KCNQ3: variants seen among roughly 807,000 people sequenced by gnomAD.
KCNQ3 encodes potassium voltage-gated channel subfamily KQT member 3.
Under a neutral mutation model 92.5 loss-of-function variants are expected in KCNQ3, and 30 were observed. The observed-to-expected ratio is 0.32, with a 90% CI of 0.24 to 0.44. The LOEUF (loss-of-function observed/expected upper bound fraction) is 0.44. Ranked by LOEUF, KCNQ3 falls within the 20% of genes least tolerant of loss-of-function variation. The probability of loss-of-function intolerance (pLI) is 1.00; values close to 1 mark genes in which losing one functional copy is unlikely to be tolerated. For synonymous variants in KCNQ3, 450 were observed against 468.8 expected (o/e 0.96, Z 0.52); for missense variants, 913 against 1,140.3 (o/e 0.80, Z 2.87).
At chr8:132,252,960 C>G (rs1326864784) in intron 1 of KCNQ3, among the ~76,000 whole-genome samples, 3 of 152,176 alleles carry the variant, frequency 2.0e-5, no homozygotes, top group Non-Finnish European at 4.4e-5. Context: ...GCCTTCATTC[C>G]TAGCTGTTAA....
chr8:132,211,014 C>G (rs1001216397), intron 1 of KCNQ3, among the ~76,000 whole-genome samples: 1 of 152,196 alleles, frequency 6.6e-6, no homozygotes, highest in Non-Finnish European at 1.5e-5. Flanking sequence ...CATTGGGTCT[C>G]CCTCTGGGCC....
intron 1 of KCNQ3, among the ~76,000 whole-genome samples, chr8:132,317,585 G>A (rs1306710840): frequency 6.6e-6 from 1 of 152,192 alleles, no homozygotes. Flanking sequence ...AGAAGCATCT[G>A]TGCTCTTTGA....
intron 1 of KCNQ3, among the ~76,000 whole-genome samples, chr8:132,353,359 C>A (rs535117353): frequency 3.6e-4 from 55 of 152,094 alleles, no homozygotes; most frequent in African/African-American, 1.3e-3. Context: ...GGCAGAAGGA[C>A]TGTCAGAAAA....
At position 132,410,773 on chromosome 8, in the gene KCNQ3, G is replaced by A. The variant is rs1260877826; in HGVS notation, c.386+69374C>T. Among the ~76,000 whole-genome samples the A allele has an allele frequency of 2.6e-5, 4 of 152,200 alleles. No homozygotes were observed. In the East Asian group the frequency reaches 7.7e-4, roughly 29 times the overall value. The stretch of plus-strand genomic sequence containing the variant: ...CAATGTCAAGGTCATGTCATTACAC[G>A]ATAACTCTGGAGAGAGATTTTTGGA... On this transcript the variant is annotated intron_variant, in intron 1 of 14. Transcript: ENST00000388996.
chr8:132,189,736 G>T (rs1026556739), intron 1 of KCNQ3, among the ~76,000 whole-genome samples: 5 of 151,840 alleles, frequency 3.3e-5, no homozygotes, highest in African/African-American at 9.7e-5. Context: ...TGAGGCAGGA[G>T]AATCACTTGA....
At position 132,480,350 on chromosome 8, in the gene KCNQ3, G is replaced by C. The variant is rs761977947; in HGVS notation, c.183C>G (p.Ala61=). ...CCAGCAGCAGGGTCCCGTCTTTGTC[G>C]GCTCCGGCCCCGAGCGCCAAGGTGA... ...EQVTLALGAG[A]DKDGTLLLEG... is the part of the protein sequence containing the mutation. Residue 61 remains alanine, a synonymous_variant, in exon 1 of 15, where the codon GCC becomes GCG. Coordinates refer to ENST00000388996, the MANE Select transcript of KCNQ3 (RefSeq NM_004519.4). The C allele has an allele frequency of 3.8e-6, 6 of 1,594,954 alleles. No homozygotes were observed. The highest frequency in any genetic ancestry group is 4.3e-6 in the Non-Finnish European group (5 of 1,174,886).
chr8:132,142,191 A>G (rs1259526370), intron 9 of KCNQ3, among the ~76,000 whole-genome samples: 2 of 152,300 alleles, frequency 1.3e-5, no homozygotes, highest in African/African-American at 4.8e-5. Flanking sequence ...AATTATTCTG[A>G]GAAGGGGTCC....
chr8:132,360,221 G>A (rs993503483), intron 1 of KCNQ3, among the ~76,000 whole-genome samples: 1 of 152,164 alleles, frequency 6.6e-6, no homozygotes, highest in Non-Finnish European at 1.5e-5. Flanking sequence ...CATTGCTTCT[G>A]TTGGTCCCAC....
chr8:132,189,888 C>CAAAAAAAAAAAAAAA (rs776683880), intron 1 of KCNQ3, among the ~76,000 whole-genome samples: 5 of 64,050 alleles, frequency 7.8e-5, no homozygotes, highest in Admixed American at 1.9e-4. Flanking sequence ...TAAAAATGAC[C>CAAAAAAAAAAAAAAA]AAAAAAAAAA....
chr8:132,152,286 G>T (rs2957033), intron 9 of KCNQ3, among the ~76,000 whole-genome samples: 60,245 of 151,944 alleles, frequency 0.4, 12,454 homozygotes, highest in East Asian at 0.49. Context: ...CAATCTTTTT[G>T]ACTTTTGCTT....
chr8:132,283,102 T>TGTGTGTGTGTGTGTGTGTGTGTATGTGTG (rs1554640533), intron 1 of KCNQ3, among the ~76,000 whole-genome samples: 1 of 151,730 alleles, frequency 6.6e-6, no homozygotes, highest in African/African-American at 2.4e-5. Context: ...CGTGTGTGTG[T>TGTGTGTGTGTGTGTGTGTGTGTATGTGTG]GTGTGTGTGT....
intron 1 of KCNQ3, among the ~76,000 whole-genome samples, chr8:132,437,588 T>G (rs970843437): frequency 6.6e-6 from 1 of 152,248 alleles, no homozygotes; most frequent in Non-Finnish European, 1.5e-5. Flanking sequence ...TTTGCCATAC[T>G]CGTTTGGTGA....
In KCNQ3 at chr8:132,480,437, G is replaced by C. The variant is rs1416576368; in HGVS notation, c.96C>G (p.Asp32Glu). 1 of 1,447,720 alleles carries C rather than the reference G, an allele frequency of 6.9e-7. No homozygotes were observed. The highest frequency in any genetic ancestry group is 9.1e-7 in the Non-Finnish European group (1 of 1,102,948). The allele number at this position is 1,447,720 out of a possible 1,614,324, so 89.7% of individuals were successfully genotyped here. Residue 32 changes from aspartate to glutamate, a missense_variant, in exon 1 of 15, where the codon GAC becomes GAG. By Grantham distance (45) the Asp-to-Glu change is conservative (BLOSUM62 2). Around this residue, in one of 6 missense-constraint regions of KCNQ3, gnomAD observed 183 missense variants for 167.7 expected, o/e 1.09. Transcript: ENST00000388996. ...GGGAANPAGG[D>E]AAAAGDEERK... ...GCTCCTCGTCGCCGGCCGCCGCCGC[G>C]TCCCCTCCGGCTGGGTTAGCCGCCC... is the stretch of plus-strand genomic sequence containing the variant.
At chr8:132,188,164 C>G (rs62519613) in intron 1 of KCNQ3, among the ~76,000 whole-genome samples, 10,773 of 152,156 alleles carry the variant, frequency 0.071, 553 homozygotes, top group African/African-American at 0.13. Flanking sequence ...ATTGACTTGG[C>G]AGATCCCGGT....
intron 1 of KCNQ3, among the ~76,000 whole-genome samples, chr8:132,247,381 C>T (rs114875382): frequency 6.6e-6 from 1 of 152,240 alleles, no homozygotes; most frequent in African/African-American, 2.4e-5. Context: ...TGATGAAGTC[C>T]AAGTCCTGAT....
chr8:132,418,257 C>T (rs899834713), intron 1 of KCNQ3, among the ~76,000 whole-genome samples: 3 of 152,096 alleles, frequency 2.0e-5, no homozygotes, highest in African/African-American at 4.8e-5. Flanking sequence ...TGAAGAGGAG[C>T]GGCATTAACT....
Position 132,413,062 on chromosome 8 carries a change from G to GA in KCNQ3, c.386+67084dup, listed in dbSNP as rs149171778. ...TCAAAGGACGAATGGATGAATTAGT[G>GA]AAAAAATGAGTGAATGAATGAATGC... On this transcript the variant is annotated intron_variant, in intron 1 of 14. Transcript: ENST00000388996. Among the ~76,000 whole-genome samples the GA allele has an allele frequency of 9.4e-4, 143 of 152,290 alleles. 2 individuals carry two copies. The East Asian group carries it at 0.023, about 24-fold the overall frequency.
At chr8:132,429,806 A>G (rs1821203158) in intron 1 of KCNQ3, among the ~76,000 whole-genome samples, 1 of 148,864 alleles carries the variant, frequency 6.7e-6, no homozygotes, top group South Asian at 2.2e-4. Context: ...GGTTGCAGTG[A>G]GCTGAGATCG....
intron 1 of KCNQ3, among the ~76,000 whole-genome samples, chr8:132,252,396 G>A (rs11785134): frequency 0.44 from 66,270 of 151,642 alleles, 16,783 homozygotes; most frequent in East Asian, 0.68. Context: ...TGGTGCATCC[G>A]GAGTTGTTTG....
Sources: allele counts gnomAD v4.1 joint callset (sites outside exome capture counted in the v4.1 genomes callset), GRCh38; gene constraint gnomAD v4.1.1; regional missense constraint gnomAD v4.1.1; transcripts MANE v1.5; gene names NCBI Gene and HGNC (gene_info 2026-07-23, HGNC 2026-07-21).